LHFPL6: variants seen among roughly 807,000 people sequenced by gnomAD.
The protein encoded by LHFPL6 is LHFPL tetraspan subfamily member 6, also known as LHFPL tetraspan subfamily member 6 protein.
In LHFPL6, 9 loss-of-function variants were observed where a neutral mutation model predicts 20.6. The observed-to-expected ratio is 0.44, with a 90% CI of 0.26 to 0.76. LHFPL6 has a LOEUF of 0.76. Among genes scored for constraint, LHFPL6 ranks in the 30% least tolerant of loss-of-function variants. LHFPL6 has a pLI of 0.20. For missense variants in LHFPL6, 218 were observed against 253.5 expected (o/e 0.86, Z 0.95); for synonymous variants, 105 against 98.7 (o/e 1.06, Z -0.38).
intron 2 of LHFPL6, among the ~76,000 whole-genome samples, chr13:39,570,756 T>A (rs1380425847): frequency 2.6e-5 from 4 of 152,168 alleles, no homozygotes; most frequent in Non-Finnish European, 4.4e-5. Context: ...GGGGCAACAG[T>A]GTGTGCATGT....
intron 2 of LHFPL6, among the ~76,000 whole-genome samples, chr13:39,411,291 T>C (rs2138387413): frequency 6.6e-6 from 1 of 152,236 alleles, no homozygotes; most frequent in African/African-American, 2.4e-5. Flanking sequence ...GCAAAACGGG[T>C]ATAAGAGGTG....
chr13:39,422,852 G>A (rs573630847), intron 2 of LHFPL6, among the ~76,000 whole-genome samples: 2 of 152,056 alleles, frequency 1.3e-5, no homozygotes, highest in African/African-American at 2.4e-5. Context: ...AGTTCCATGG[G>A]ACTGGGGAGG....
intron 2 of LHFPL6, among the ~76,000 whole-genome samples, chr13:39,572,340 A>AGTGAGAATC: frequency 6.8e-6 from 1 of 148,054 alleles, no homozygotes; most frequent in Non-Finnish European, 1.5e-5. Flanking sequence ...GACAGTCCCC[A>AGTGAGAATC]GTGAGAATCA....
intron 2 of LHFPL6, among the ~76,000 whole-genome samples, chr13:39,595,248 A>T (rs1872735321): frequency 6.6e-6 from 1 of 152,186 alleles, no homozygotes; most frequent in South Asian, 2.1e-4. Context: ...CTGAGCTTAG[A>T]GTGCATGCTC....
rs2138359705 is a variant in LHFPL6, at chr13:39,378,495, G to A, written c.417C>T (p.Tyr139=). The A allele has an allele frequency of 6.2e-7, 1 of 1,613,972 alleles. No homozygotes were observed. The highest frequency in any genetic ancestry group is 1.1e-5 in the South Asian group (1 of 91,072). ...CTTCCTCACTGTCCCAGCCCAAGGG[G>A]TAGAGGGCACAGCCAGCACCAATCA... is the stretch of plus-strand genomic sequence containing the variant. ...GLLIGAGCAL[Y]PLGWDSEEVR... is the part of the protein sequence containing the mutation. Residue 139 remains tyrosine (Y), a synonymous_variant, in exon 3 of 4, where the codon TAC becomes TAT. Transcript: ENST00000379589.
chr13:39,496,201 C>G (rs6563711), intron 2 of LHFPL6, among the ~76,000 whole-genome samples: 148,013 of 152,250 alleles, frequency 0.97, 72,072 homozygotes, highest in East Asian at 1. Flanking sequence ...AATTCCAGAG[C>G]CTGGGAAGTC....
In LHFPL6 at chr13:39,343,941, A is replaced by G; in HGVS notation, c.598T>C (p.Tyr200His). 1 of 1,613,322 alleles carries G rather than the reference A, an allele frequency of 6.2e-7. No individual in the cohort carries two copies. The highest frequency in any genetic ancestry group is 8.5e-7 in the Non-Finnish European group (1 of 1,179,658). The change falls in exon 4 of 4, where the codon TAC becomes CAC. Residue 200 changes from tyrosine to histidine, a missense_variant. Tyr to His is a moderately conservative substitution (Grantham distance 83, BLOSUM62 2). Transcript: ENST00000379589. ...FSGKKQKHYP[Y>H] ...CTGCTCTTGGTAGCTCCATCTCAGT[A>G]TGGGTAGTGCTTCTGTTTCTTGCCC...
At chr13:39,537,988 CTTTCTT>C (rs148078384) in intron 2 of LHFPL6, among the ~76,000 whole-genome samples, 78,998 of 114,768 alleles carry the variant, frequency 0.69, 26,913 homozygotes, top group Middle Eastern at 0.81. Context: ...TTCTTTCTTT[CTTTCTT>C]TTTTTTTTTT....
intron 3 of LHFPL6, among the ~76,000 whole-genome samples, chr13:39,370,119 C>G (rs765562348): frequency 5.9e-5 from 9 of 152,172 alleles, no homozygotes; most frequent in Non-Finnish European, 1.3e-4. Context: ...CTAAGAAAGG[C>G]TGAGTGACCA....
chr13:39,558,671 G>C lies in LHFPL6; in HGVS notation c.385+42161C>G, dbSNP rs150852734. ...GTTTTGGCCTAAGTTGTATGCTGGCGTATAAAATAAAATCAGGGATATCTG... is the reference window on the plus strand; with the variant it reads ...GTTTTGGCCTAAGTTGTATGCTGGCCTATAAAATAAAATCAGGGATATCTG... On this transcript the variant is annotated intron_variant, in intron 2 of 3. Transcript: ENST00000379589. Among the ~76,000 whole-genome samples, 69 of 152,258 alleles carry C rather than the reference G, an allele frequency of 4.5e-4. No individual in the cohort carries two copies. In the South Asian group the frequency reaches 0.014, roughly 32 times the overall value.
At chr13:39,580,372 T>C (rs1036361359) in intron 2 of LHFPL6, among the ~76,000 whole-genome samples, 1 of 152,112 alleles carries the variant, frequency 6.6e-6, no homozygotes, top group South Asian at 2.1e-4. Context: ...CAAATATATC[T>C]AGTAACACAG....
At chr13:39,578,347 T>C (rs1334561904) in intron 2 of LHFPL6, among the ~76,000 whole-genome samples, 1 of 152,238 alleles carries the variant, frequency 6.6e-6, no homozygotes, top group African/African-American at 2.4e-5. Flanking sequence ...ATTTCTGTGC[T>C]GTCTGTATGA....
intron 3 of LHFPL6, among the ~76,000 whole-genome samples, chr13:39,344,379 C>T (rs901490946): frequency 2.0e-5 from 3 of 152,124 alleles, no homozygotes; most frequent in Non-Finnish European, 2.9e-5. Flanking sequence ...TTGTAACTTA[C>T]ATCACCCAAG....
intron 2 of LHFPL6, among the ~76,000 whole-genome samples, chr13:39,387,062 A>G (rs1166783099): frequency 2.0e-5 from 3 of 152,144 alleles, no homozygotes; most frequent in African/African-American, 7.2e-5. Flanking sequence ...GAGGCTGACC[A>G]TACATTGCAG....
intron 2 of LHFPL6, among the ~76,000 whole-genome samples, chr13:39,528,698 G>A (rs911367807): frequency 2.6e-5 from 4 of 152,130 alleles, no homozygotes; most frequent in African/African-American, 4.8e-5. Flanking sequence ...GTTGCTTCCC[G>A]CACATCTGGG....
intron 2 of LHFPL6, among the ~76,000 whole-genome samples, chr13:39,416,434 A>C (rs1400955480): frequency 1.3e-5 from 2 of 151,976 alleles, no homozygotes; most frequent in Non-Finnish European, 2.9e-5. Context: ...CATTTACTCT[A>C]TGTTTTCCCC....
At chr13:39,574,055 C>G (rs1036401945) in intron 2 of LHFPL6, among the ~76,000 whole-genome samples, 1 of 152,120 alleles carries the variant, frequency 6.6e-6, no homozygotes, top group Non-Finnish European at 1.5e-5. Context: ...TGGGAAGGAA[C>G]AGATTTTGAC....
At chr13:39,449,792 T>C (rs1213101153) in intron 2 of LHFPL6, among the ~76,000 whole-genome samples, 1 of 148,532 alleles carries the variant, frequency 6.7e-6, no homozygotes, top group African/African-American at 2.5e-5. Flanking sequence ...GCCAAGTCCA[T>C]CCAAGGTCAA....
intron 2 of LHFPL6, among the ~76,000 whole-genome samples, chr13:39,521,338 A>G (rs769599813): frequency 6.6e-6 from 1 of 152,194 alleles, no homozygotes; most frequent in Non-Finnish European, 1.5e-5. Context: ...GCAGAACTTC[A>G]CAGTGTCCTG....
Sources: allele counts gnomAD v4.1 joint callset (sites outside exome capture counted in the v4.1 genomes callset), GRCh38; gene constraint gnomAD v4.1.1; transcripts MANE v1.5; gene names NCBI Gene and HGNC (gene_info 2026-07-23, HGNC 2026-07-21).